Variants in FGF12 observed in about 807,000 individuals in gnomAD.
FGF12 encodes the protein fibroblast growth factor 12.
Under a neutral mutation model 23.6 loss-of-function variants are expected in FGF12, and 14 were observed. The ratio of observed to expected loss-of-function variants is 0.59; its 90% CI spans 0.39 to 0.93. FGF12 has a LOEUF of 0.93. FGF12 is among the 40% of genes least tolerant of loss of function. FGF12 has a pLI of 0.00. For missense variants in FGF12, 175 were observed against 217.8 expected, an observed-to-expected ratio of 0.80 and a Z score of 1.24; for synonymous variants, 62 against 77.3, an observed-to-expected ratio of 0.80 and a Z score of 1.04.
At chr3:192,391,334 T>A (rs1249278145) in intron 2 of FGF12, among the ~76,000 whole-genome samples, 2 of 152,204 alleles carry the variant, frequency 1.3e-5, no homozygotes, top group Non-Finnish European at 2.9e-5. Context: ...CTAGACCAAC[T>A]GGTGATTTAA....
At chr3:192,385,535 A>G (rs1720001699) in intron 2 of FGF12, among the ~76,000 whole-genome samples, 1 of 152,112 alleles carries the variant, frequency 6.6e-6, no homozygotes, top group South Asian at 2.1e-4. Flanking sequence ...CTTTCACAAA[A>G]CAAAGCAGGA....
intron 2 of FGF12, among the ~76,000 whole-genome samples, chr3:192,511,951 A>C (rs757924820): frequency 6.6e-6 from 1 of 152,198 alleles, no homozygotes; most frequent in African/African-American, 2.4e-5. Context: ...ATAAATGATT[A>C]GTTTATATTT....
chr3:192,321,092 C>T (rs1427078650), intron 4 of FGF12, among the ~76,000 whole-genome samples: 1 of 151,720 alleles, frequency 6.6e-6, no homozygotes, highest in African/African-American at 2.4e-5. Context: ...GAGAGAAGAC[C>T]CACATAAGTA....
At chr3:192,233,484 C>G (rs1241663296) in intron 4 of FGF12, among the ~76,000 whole-genome samples, 3 of 152,040 alleles carry the variant, frequency 2.0e-5, no homozygotes, top group Non-Finnish European at 4.4e-5. Context: ...GCAATTTTCT[C>G]CCATTCTGTA....
chr3:192,179,776 C>A (rs1716068010), intron 4 of FGF12, among the ~76,000 whole-genome samples: 2 of 152,034 alleles, frequency 1.3e-5, no homozygotes, highest in African/African-American at 4.8e-5. Flanking sequence ...GAACTCCTGA[C>A]CTCAAGGGAT....
intron 2 of FGF12, among the ~76,000 whole-genome samples, chr3:192,613,673 T>C (rs1156568653): frequency 6.6e-6 from 1 of 151,850 alleles, no homozygotes; most frequent in Non-Finnish European, 1.5e-5. Flanking sequence ...GTATGATCAA[T>C]TTTCCCAGTT....
chr3:192,490,221 C>T (rs1723759003), intron 2 of FGF12, among the ~76,000 whole-genome samples: 1 of 151,720 alleles, frequency 6.6e-6, no homozygotes, highest in African/African-American at 2.4e-5. Context: ...CTCAAATAGC[C>T]ACTCAAATTG....
chr3:192,677,204 T>C (rs1717356484), intron 2 of FGF12, among the ~76,000 whole-genome samples: 1 of 152,152 alleles, frequency 6.6e-6, no homozygotes, highest in African/African-American at 2.4e-5. Flanking sequence ...TTCCTCACCT[T>C]CCAAACTATT....
chr3:192,635,592 A>G (rs1715548184), intron 2 of FGF12, among the ~76,000 whole-genome samples: 1 of 152,232 alleles, frequency 6.6e-6, no homozygotes, highest in Non-Finnish European at 1.5e-5. Context: ...AATGCTTATG[A>G]CTTGGCCTGA....
intron 4 of FGF12, among the ~76,000 whole-genome samples, chr3:192,287,673 G>T (rs1420490389): frequency 6.6e-6 from 1 of 151,970 alleles, no homozygotes; most frequent in Admixed American, 6.6e-5. Context: ...AATGAAAAGG[G>T]TATTCATCTA....
intron 4 of FGF12, among the ~76,000 whole-genome samples, chr3:192,203,566 C>CTTT (rs3071810): frequency 3.5e-4 from 46 of 130,394 alleles, no homozygotes; most frequent in African/African-American, 5.8e-4. Context: ...TTTTTCTTTA[C>CTTT]TTTTTTTTTT....
chr3:192,603,149 C>T (rs1301510988), intron 2 of FGF12, among the ~76,000 whole-genome samples: 2 of 152,152 alleles, frequency 1.3e-5, no homozygotes, highest in African/African-American at 2.4e-5. Flanking sequence ...ACTCTCACCA[C>T]TCCTATTCAA....
At chr3:192,175,339 C>T (rs570055324) in intron 4 of FGF12, among the ~76,000 whole-genome samples, 3 of 152,164 alleles carry the variant, frequency 2.0e-5, no homozygotes, top group East Asian at 3.9e-4. Flanking sequence ...ATGAGTGTTT[C>T]TTTTTCCTAT....
intron 4 of FGF12, among the ~76,000 whole-genome samples, chr3:192,286,991 A>G (rs1476165572): frequency 1.3e-5 from 2 of 152,064 alleles, no homozygotes; most frequent in Non-Finnish European, 2.9e-5. Context: ...ACTTATAAAA[A>G]AGCCAAAATA....
intron 4 of FGF12, among the ~76,000 whole-genome samples, chr3:192,303,181 G>A (rs575137073): frequency 6.6e-5 from 10 of 152,126 alleles, no homozygotes; most frequent in Non-Finnish European, 1.2e-4. Flanking sequence ...TCTTTTGTAA[G>A]GTGCATGAAT....
At chr3:192,240,337 C>T (rs1463704398) in intron 4 of FGF12, among the ~76,000 whole-genome samples, 1 of 152,100 alleles carries the variant, frequency 6.6e-6, no homozygotes, top group Non-Finnish European at 1.5e-5. Context: ...AATACAATGA[C>T]TTATCTGATT....
chr3:192,408,464 G>A lies in FGF12; in HGVS notation c.14-47926C>T. Reference sequence around the variant, plus strand: ...CTTCCCCAACCTCTGGCGGCCGGGGGGCGGGGCGGGGCGGTCCCAGGCCCT... The same window carrying A: ...CTTCCCCAACCTCTGGCGGCCGGGGAGCGGGGCGGGGCGGTCCCAGGCCCT... On this transcript the variant is annotated intron_variant, in intron 2 of 5. Transcript: ENST00000445105. This position sits in a 1 kb window ranked among gnomAD's most constrained non-coding sequence, Gnocchi z 7.3. 1 of 1,356,160 alleles carries A rather than the reference G, an allele frequency of 7.4e-7. No individual in the cohort carries two copies. Among genetic ancestry groups the A allele is most frequent in the Non-Finnish European group, 9.4e-7 (1 of 1,058,354 alleles). The allele number at this position is 1,356,160 out of a possible 1,614,324, so 84.0% of individuals were successfully genotyped here.
intron 2 of FGF12, among the ~76,000 whole-genome samples, chr3:192,378,080 T>TTCTCTCTCTCTTTCTTTCTTTCTTTCTG (rs1553805089): frequency 2.8e-5 from 3 of 105,810 alleles, no homozygotes; most frequent in African/African-American, 7.6e-5. Flanking sequence ...CTTTCTTTCT[T>TTCTCTCTCTCTTTCTTTCTTTCTTTCTG]TCTTTCTTTC....
At chr3:192,567,269 G>A (rs1253809907) in intron 2 of FGF12, among the ~76,000 whole-genome samples, 1 of 151,918 alleles carries the variant, frequency 6.6e-6, no homozygotes, top group Non-Finnish European at 1.5e-5. Flanking sequence ...CTTTAGTGGG[G>A]AAAAAAATCT....
Sources: allele counts gnomAD v4.1 joint callset (sites outside exome capture counted in the v4.1 genomes callset), GRCh38; gene constraint gnomAD v4.1.1; non-coding constraint Gnocchi (gnomAD v3.1); transcripts MANE v1.5; gene names NCBI Gene and HGNC (gene_info 2026-07-23, HGNC 2026-07-21).